Variants in EMILIN2 observed in about 807,000 individuals in gnomAD.
EMILIN2 encodes EMILIN-2.
A neutral mutation model predicts 87.1 loss-of-function variants in EMILIN2; 71 were observed. The ratio of observed to expected loss-of-function variants is 0.82; its 90% CI spans 0.67 to 0.99. The LOEUF is 0.99. EMILIN2 is among the 50% of genes least tolerant of loss of function. The pLI is 0.00. For missense variants in EMILIN2, 1,407 were observed against 1,371.8 expected (o/e 1.03, Z -0.40); for synonymous variants, 581 against 563.4 (o/e 1.03, Z -0.44).
At position 2,915,539 on chromosome 18, in the gene EMILIN2, G is replaced by T. The variant is rs1281294685; in HGVS notation, c.*2135G>T. 6.7e-6 allele frequency: 1 copy of T among 149,528 alleles called. No homozygotes were observed. Among genetic ancestry groups the T allele is most frequent in the Non-Finnish European group, 1.5e-5 (1 of 67,338 alleles). 9.3% of individuals were successfully genotyped at this position (149,528 alleles called of 1,614,324 possible). On this transcript the variant is annotated 3_prime_UTR_variant, in exon 8 of 8. Transcript: ENST00000254528. ...AGTTCACAACTTTTTTTTTTTTTTG[G>T]GGGGAGACAGTCCTACTCTGTCGCC...
In EMILIN2 at chr18:2,906,960, C is replaced by T. The variant is rs371775160; in HGVS notation, c.2537C>T (p.Ala846Val). Residue 846 changes from alanine (A) to valine (V), a missense_variant, in exon 5 of 8, where the codon GCG becomes GTG. By Grantham distance (64) the Ala-to-Val change is moderately conservative (BLOSUM62 0). Transcript: ENST00000254528. ...CCGCCAGGCTCCACCGGGGTCATCG[C>T]GGAGACGGGCCAGGCCGGGCCCCCC... ...PQPPGSTGVI[A>V]ETGQAGPPAG... is the part of the protein sequence containing the mutation. 5.7e-6 allele frequency: 8 copies of T among 1,404,482 alleles called. No homozygotes were observed. The highest frequency in any genetic ancestry group is 2.6e-4 in the Middle Eastern group (1 of 3,884). The allele number at this position is 1,404,482 out of a possible 1,614,324, so 87.0% of individuals were successfully genotyped here.
intron 4 of EMILIN2, 150 bp from the exon 5 acceptor site, chr18:2,906,633 C>T (rs1350447284): frequency 5.2e-6 from 3 of 579,686 alleles, no homozygotes; most frequent in African/African-American, 2.0e-5. Context: ...GGCGGACGCC[C>T]GTGTGTCCCG....
upstream of EMILIN2, among the ~76,000 whole-genome samples, chr18:2,846,545 G>A (rs780176813): frequency 9.9e-5 from 15 of 152,246 alleles, no homozygotes; most frequent in Non-Finnish European, 2.1e-4. The surrounding 1 kb of genome is among the most constrained non-coding windows in gnomAD (Gnocchi z 5.3). Flanking sequence ...GGACTCTCTA[G>A]GTCCATGGAG....
chr18:2,906,688 C>A, intron 4 of EMILIN2, 95 bp from the exon 5 acceptor site: 1 of 1,028,202 alleles, frequency 9.7e-7, no homozygotes, highest in Non-Finnish European at 1.2e-6. Context: ...TCACGGGGAC[C>A]CCGCTCGCCG....
rs931587162 is a variant in EMILIN2 at position 2,890,633 on chromosome 18, G to T, written c.506G>T (p.Gly169Val). The T allele has an allele frequency of 9.3e-6, 15 of 1,613,796 alleles. No individual in the cohort carries two copies. Among genetic ancestry groups the T allele is most frequent in the Non-Finnish European group, 1.3e-5 (15 of 1,179,700 alleles). ...ACTGGTACAGCACAACCAAGCTGGG[G>T]GGTAGATCCAAAAGAGGGGCCTCAG... ...SPTGTAQPSWGVDPKEGPQEL... is the reference protein window; with the variant it reads ...SPTGTAQPSWVVDPKEGPQEL... The change falls in exon 4 of 8, where the codon GGG becomes GTG. Residue 169 changes from glycine to valine, a missense_variant. Gly to Val is a moderately radical substitution (Grantham distance 109). Transcript: ENST00000254528. The surrounding 1 kb of genome is among the most constrained non-coding windows in gnomAD (Gnocchi z 4.7).
chr18:2,858,161 TA>T (rs1050776039), intron 2 of EMILIN2, among the ~76,000 whole-genome samples: 5 of 152,082 alleles, frequency 3.3e-5, no homozygotes, highest in East Asian at 1.9e-4. Flanking sequence ...TTTTCTTTTT[TA>T]TTTTTTTTTA....
chr18:2,859,164 G>C (rs2076648075), intron 2 of EMILIN2, among the ~76,000 whole-genome samples: 1 of 152,064 alleles, frequency 6.6e-6, no homozygotes, highest in Non-Finnish European at 1.5e-5. Flanking sequence ...TAGTGGTTGG[G>C]CTAGTTTACG....
intron 2 of EMILIN2, among the ~76,000 whole-genome samples, chr18:2,873,501 A>G (rs186894082): frequency 1.3e-5 from 2 of 151,926 alleles, no homozygotes; most frequent in East Asian, 3.9e-4. Context: ...AGGTCAGGAG[A>G]TCGAGACCAT....
At chr18:2,858,581 G>GCA (rs2076643148) in intron 2 of EMILIN2, among the ~76,000 whole-genome samples, 1 of 64,808 alleles carries the variant, frequency 1.5e-5, no homozygotes, top group Non-Finnish European at 2.6e-5. Flanking sequence ...GTGTGTGTGT[G>GCA]TGTATATATA....
chr18:2,856,915 G>T (rs893658177), intron 2 of EMILIN2, among the ~76,000 whole-genome samples: 3 of 152,148 alleles, frequency 2.0e-5, no homozygotes, highest in Non-Finnish European at 4.4e-5. Context: ...ATAATGAAAT[G>T]ACTAAAACTA....
intron 4 of EMILIN2, among the ~76,000 whole-genome samples, chr18:2,898,387 C>T (rs184335422): frequency 2.0e-5 from 3 of 152,360 alleles, no homozygotes; most frequent in East Asian, 3.9e-4. Flanking sequence ...CCCCTGGCCC[C>T]ACACACAGGT....
intron 2 of EMILIN2, among the ~76,000 whole-genome samples, chr18:2,850,093 A>AC (rs1555664658): frequency 8.2e-6 from 1 of 122,540 alleles, no homozygotes; most frequent in Non-Finnish European, 1.7e-5. Context: ...TGCCCAGCTA[A>AC]TTTTTTTTTT....
intron 4 of EMILIN2, among the ~76,000 whole-genome samples, chr18:2,904,872 C>T (rs1254885860): frequency 6.6e-6 from 1 of 152,160 alleles, no homozygotes; most frequent in Non-Finnish European, 1.5e-5. Context: ...GAAGAATCCT[C>T]CTATATCCAG....
At chr18:2,903,213 C>T (rs1382456565) in intron 4 of EMILIN2, among the ~76,000 whole-genome samples, 1 of 151,810 alleles carries the variant, frequency 6.6e-6, no homozygotes, top group Non-Finnish European at 1.5e-5. Flanking sequence ...AGGCGTGTGC[C>T]CTGGGAGGCA....
intron 7 of EMILIN2, among the ~76,000 whole-genome samples, chr18:2,911,172 C>T (rs1251930926): frequency 2.0e-5 from 3 of 152,326 alleles, no homozygotes; most frequent in East Asian, 1.9e-4. Context: ...GATTCAAGTG[C>T]GGTCTGACAG....
Position 2,847,832 on chromosome 18 carries a change from AC to A in EMILIN2, c.159del (p.Asn53LysfsTer4). 1 of 1,613,522 alleles carries A rather than the reference AC, an allele frequency of 6.2e-7. No homozygotes were observed. Among genetic ancestry groups the A allele is most frequent in the South Asian group, 1.1e-5 (1 of 91,072 alleles). On this transcript the variant is annotated frameshift_variant, in exon 2 of 8. Transcript: ENST00000254528. LOFTEE classifies it high-confidence loss of function. The surrounding 1 kb of genome is among the most constrained non-coding windows in gnomAD (Gnocchi z 4.5). The part of the protein sequence containing the change: ...RNKNWCAYIV[N>X]KNVSCSVLEG... The stretch of plus-strand genomic sequence containing the variant: ...AGGAACTGGTGCGCCTACATCGTGA[AC>A]AAGAATGTGAGCTGCTCCGTGCTGG...
At chr18:2,886,913 C>T (rs553897500) in intron 3 of EMILIN2, among the ~76,000 whole-genome samples, 42 of 152,252 alleles carry the variant, frequency 2.8e-4, no homozygotes, top group South Asian at 8.3e-4. Context: ...CCTACCTGGA[C>T]GGGACATCCT....
intron 4 of EMILIN2, among the ~76,000 whole-genome samples, chr18:2,903,098 G>C (rs2076895286): frequency 6.7e-6 from 1 of 150,160 alleles, no homozygotes; most frequent in South Asian, 2.1e-4. Context: ...CTAAAAGGAA[G>C]AAACTAGTGG....
At chr18:2,906,740 GT>G in intron 4 of EMILIN2, 42 bp from the exon 5 acceptor site, 1 of 1,243,234 alleles carries the variant, frequency 8.0e-7, no homozygotes, top group Non-Finnish European at 1.0e-6. Context: ...CAGGGCTGAG[GT>G]TTCCTAATCC....
Sources: allele counts gnomAD v4.1 joint callset (sites outside exome capture counted in the v4.1 genomes callset), GRCh38; gene constraint gnomAD v4.1.1; non-coding constraint Gnocchi (gnomAD v3.1); transcripts MANE v1.5; gene names NCBI Gene and HGNC (gene_info 2026-07-23, HGNC 2026-07-21).